NDUFB10: variants seen among roughly 807,000 people sequenced by gnomAD.
The protein encoded by NDUFB10 is NADH dehydrogenase [ubiquinone] 1 beta subcomplex subunit 10.
In NDUFB10, 23 loss-of-function variants were observed where a neutral mutation model predicts 19.0. The ratio of observed to expected loss-of-function variants is 1.21; its 90% CI spans 0.87 to 1.71. The LOEUF is 1.71. NDUFB10 is among the 40% of genes most tolerant of loss of function. NDUFB10 has a pLI of 0.00. For synonymous variants in NDUFB10, 104 were observed against 81.8 expected (o/e 1.27, Z -1.46); for missense variants, 312 against 230.6 (o/e 1.35, Z -2.29).
In NDUFB10 at chr16:1,961,554, G is replaced by A. The variant is rs2083254789; in HGVS notation, c.327G>A (p.Gln109=). 1 of 1,614,104 alleles carries A rather than the reference G, an allele frequency of 6.2e-7. No homozygotes were observed. Among genetic ancestry groups the A allele is most frequent in the East Asian group, 2.2e-5 (1 of 44,882 alleles). The change falls in exon 3 of 4, where the codon CAG becomes CAA. Residue 109 remains glutamine, a synonymous_variant. Coordinates refer to ENST00000268668, the MANE Select transcript of NDUFB10 (RefSeq NM_004548.3). ...AGGATCGGCTCAAAGCCTGTCAGCA[G>A]AGGGAAGGACAGAACTACCAGCAGA... The part of the protein sequence containing the change: ...IMQDRLKACQ[Q]REGQNYQQNC...
chr16:1,961,286 G>A lies in NDUFB10; in HGVS notation c.264G>A (p.Arg88=), dbSNP rs200327591. Reference sequence around the variant, plus strand: ...ATGAAGCCGAAATGCAGTGGAAGAGGGACTAGTACGTGAGCCATGCTGGGA... The same window carrying A: ...ATGAAGCCGAAATGCAGTGGAAGAGAGACTAGTACGTGAGCCATGCTGGGA... ...CMYEAEMQWK[R]DYKVDQEIIN... The change falls in exon 2 of 4, where the codon AGG becomes AGA. Residue 88 remains arginine (R), a synonymous_variant. Transcript: ENST00000268668. The A allele has an allele frequency of 3.7e-6, 6 of 1,613,936 alleles. No individual in the cohort carries two copies. The highest frequency in any genetic ancestry group is 2.7e-5 in the African/African-American group (2 of 75,062).
intron 1 of NDUFB10, 109 bp from the exon 2 acceptor site, chr16:1,961,044 C>T (rs928234949): frequency 1.5e-6 from 2 of 1,335,136 alleles, no homozygotes; most frequent in Non-Finnish European, 1.0e-6. Flanking sequence ...AACGCTGGAA[C>T]ACTCAGGAAG....
rs768843851 is a variant in NDUFB10 at position 1,961,227 on chromosome 16, ACT to A, written c.206_207del (p.Thr69ArgfsTer12). ...HRQYRRVPDI[T>X]ECKEEDIMCM... is the part of the protein sequence containing the mutation. Reference sequence around the variant, plus strand: ...GCAGTACCGCCGCGTGCCAGACATCACTGAGTGCAAGGAGGAGGACATCATGT... The same window carrying A: ...GCAGTACCGCCGCGTGCCAGACATCAGAGTGCAAGGAGGAGGACATCATGT... On this transcript the variant is annotated frameshift_variant, in exon 2 of 4. Transcript: ENST00000268668. LOFTEE classifies it high-confidence loss of function. 3 of 1,614,142 alleles carry A rather than the reference ACT, an allele frequency of 1.9e-6. No individual in the cohort carries two copies. Among genetic ancestry groups the A allele is most frequent in the Non-Finnish European group, 1.7e-6 (2 of 1,180,034 alleles).
In NDUFB10 at chr16:1,961,497, C is replaced by CA. The variant is rs1414085252; in HGVS notation, c.273dup (p.Val92SerfsTer95). On this transcript the variant is annotated frameshift_variant and splice_region_variant, in exon 3 of 4. Coordinates refer to ENST00000268668, the MANE Select transcript of NDUFB10 (RefSeq NM_004548.3). LOFTEE classifies it high-confidence loss of function. ...CTCTCTTGCTCCTTTTCTCCACCAG[C>CA]AAAGTCGACCAAGAAATTATCAACA... 3.7e-6 allele frequency: 6 copies of CA among 1,613,824 alleles called. No homozygotes were observed. Among genetic ancestry groups the CA allele is most frequent in the Non-Finnish European group, 5.1e-6 (6 of 1,179,928 alleles).
rs370223319 is a variant in NDUFB10, at chr16:1,961,656, C to T, written c.409+20C>T. 208 of 1,546,716 alleles carry T rather than the reference C, an allele frequency of 1.3e-4. 1 individual carries two copies. The Middle Eastern group carries it at 2.0e-3, about 15-fold the overall frequency. ...ACCGCTGTGCGTGCCCCACCCACCCCCAACCCCCCACCATCCTCCTGAGGC... is the reference window on the plus strand; with the variant it reads ...ACCGCTGTGCGTGCCCCACCCACCCTCAACCCCCCACCATCCTCCTGAGGC... On this transcript the variant is annotated intron_variant, in intron 3 of 3. Transcript: ENST00000268668.
intron 1 of NDUFB10, 112 bp downstream of exon 1, chr16:1,959,866 C>G (rs1000846292): frequency 7.0e-7 from 1 of 1,426,166 alleles, no homozygotes; most frequent in Non-Finnish European, 9.6e-7. Flanking sequence ...AGACCGCCCC[C>G]CGCTGCACCC....
At chr16:1,961,445 A>T (rs570699190) in intron 2 of NDUFB10, 52 bp from the exon 3 acceptor site, 182 of 1,607,316 alleles carry the variant, frequency 1.1e-4, no homozygotes, top group Non-Finnish European at 1.5e-4. Context: ...CTCACAGGGT[A>T]CAGGAAAAGG....
intron 2 of NDUFB10, 96 bp downstream of exon 2, chr16:1,961,387 G>T: frequency 6.3e-7 from 1 of 1,595,628 alleles, no homozygotes; most frequent in South Asian, 1.1e-5. Context: ...CAGATTTTAG[G>T]GGTGACATGG....
rs561665736 is a variant in NDUFB10, at chr16:1,959,800, C to G, written c.130+46C>G. 72 of 1,607,228 alleles carry G rather than the reference C, an allele frequency of 4.5e-5. No individual in the cohort carries two copies. The South Asian group carries it at 6.6e-4, about 15-fold the overall frequency. Reference sequence around the variant, plus strand: ...GCTCCCTCGCCGGCCTCTGGGGACCCCTGGATCCCACACCCTGCCTGGATC... The same window carrying G: ...GCTCCCTCGCCGGCCTCTGGGGACCGCTGGATCCCACACCCTGCCTGGATC... On this transcript the variant is annotated intron_variant, in intron 1 of 3. Transcript: ENST00000268668.
At position 1,961,634 on chromosome 16, in the gene NDUFB10, G is replaced by A. The variant is rs375783041; in HGVS notation, c.407G>A (p.Arg136His). 1.6e-5 allele frequency: 25 copies of A among 1,608,862 alleles called. No homozygotes were observed. In the South Asian group the frequency reaches 1.9e-4, roughly 12 times the overall value. Residue 136 changes from arginine to histidine, a missense_variant and splice_region_variant, in exon 3 of 4, where the codon CGC (arginine) becomes CAC (histidine). By Grantham distance (29) the Arg-to-His change is conservative (BLOSUM62 0). Transcript: ENST00000268668. The part of the protein sequence containing the change: ...FTQVAKAYQD[R>H]YQDLGAYSSA... ...CAGGTGGCCAAGGCCTACCAGGACC[G>A]CTGTGCGTGCCCCACCCACCCCCAA...
In NDUFB10 at chr16:1,959,572, A is replaced by G. The variant is rs1286913143; in HGVS notation, c.-53A>G. The G allele has an allele frequency of 4.5e-6, 7 of 1,557,356 alleles. No individual in the cohort carries two copies. The highest frequency in any genetic ancestry group is 6.1e-6 in the Non-Finnish European group (7 of 1,149,788). On this transcript the variant is annotated 5_prime_UTR_variant, in exon 1 of 4. Transcript: ENST00000268668. ...GACCTAGGCCGCGGGACCCGGACGG[A>G]GGTAGAGGCCAGGGCAGCGCGTCCG... is the stretch of plus-strand genomic sequence containing the variant.
In NDUFB10 at chr16:1,961,942, T is replaced by C. The variant is rs1419886349; in HGVS notation, c.*36T>C. 5 of 1,531,128 alleles carry C rather than the reference T, an allele frequency of 3.3e-6. No individual in the cohort carries two copies. The East Asian group carries it at 1.2e-4, about 37-fold the overall frequency. The allele number at this position is 1,531,128 out of a possible 1,614,324, so 94.8% of individuals were successfully genotyped here. A position where few individuals can be genotyped will look rare whatever the true frequency, so the allele number is the denominator to read the frequency against. ...GGTGCCCCTGCTGTGTGGCTCTGTA[T>C]GACTGTTGCTGAAATATAAAGCCCT... On this transcript the variant is annotated 3_prime_UTR_variant, in exon 4 of 4. Coordinates refer to ENST00000268668, the MANE Select transcript of NDUFB10 (RefSeq NM_004548.3).
intron 1 of NDUFB10, 83 bp from the exon 2 acceptor site, chr16:1,961,070 T>C: frequency 1.3e-6 from 2 of 1,526,068 alleles, no homozygotes; most frequent in Non-Finnish European, 1.8e-6. Flanking sequence ...CTCTCTCCCC[T>C]CCAAAGGGCT....
chr16:1,961,716 CT>C, intron 3 of NDUFB10, 80 bp downstream of exon 3: 1 of 1,532,700 alleles, frequency 6.5e-7, no homozygotes, highest in East Asian at 2.5e-5. Flanking sequence ...CTTCCCTCCC[CT>C]CCCTTGTGCT....
chr16:1,960,442 C>T (rs552711947), intron 1 of NDUFB10, among the ~76,000 whole-genome samples: 1 of 152,168 alleles, frequency 6.6e-6, no homozygotes, highest in Non-Finnish European at 1.5e-5. Flanking sequence ...AGGCTGGTCT[C>T]GAACTCCTGA....
In NDUFB10 at chr16:1,961,490, C is replaced by A; in HGVS notation, c.270-7C>A. On this transcript the variant is annotated splice_polypyrimidine_tract_variant and splice_region_variant and intron_variant, in intron 2 of 3. Coordinates refer to ENST00000268668, the MANE Select transcript of NDUFB10 (RefSeq NM_004548.3). The stretch of plus-strand genomic sequence containing the variant: ...GATTAGCCTCTCTTGCTCCTTTTCT[C>A]CACCAGCAAAGTCGACCAAGAAATT... 1 of 1,613,868 alleles carries A rather than the reference C, an allele frequency of 6.2e-7. No homozygotes were observed. Among genetic ancestry groups the A allele is most frequent in the South Asian group, 1.1e-5 (1 of 91,052 alleles).
At chr16:1,959,899 G>C in intron 1 of NDUFB10, 145 bp downstream of exon 1, 2 of 1,117,856 alleles carry the variant, frequency 1.8e-6, no homozygotes, top group Non-Finnish European at 2.5e-6. Context: ...CCCACCCCCG[G>C]AGACCTCCGA....
chr16:1,960,949 G>A (rs538265219), intron 1 of NDUFB10, among the ~76,000 whole-genome samples: 126 of 152,328 alleles, frequency 8.3e-4, no homozygotes, highest in African/African-American at 2.8e-3. Context: ...CTGGTACTCG[G>A]GAGCTCTCCA....
chr16:1,959,837 C>T (rs1475158953), intron 1 of NDUFB10, 83 bp downstream of exon 1: 2 of 1,561,954 alleles, frequency 1.3e-6, no homozygotes, highest in Non-Finnish European at 8.7e-7. Context: ...TCCAATGCCT[C>T]CGGGGTCCCG....
Sources: allele counts gnomAD v4.1 joint callset (sites outside exome capture counted in the v4.1 genomes callset), GRCh38; gene constraint gnomAD v4.1.1; transcripts MANE v1.5; gene names NCBI Gene and HGNC (gene_info 2026-07-23, HGNC 2026-07-21).